The following NAV2 variants were observed in gnomAD, a reference collection of about 807,000 sequenced individuals.
NAV2 encodes the protein helicase, APC down-regulated 1.
Under a neutral mutation model 223.2 loss-of-function variants are expected in NAV2, and 54 were observed. The ratio of observed to expected loss-of-function variants is 0.24; its 90% CI spans 0.19 to 0.30. The LOEUF (loss-of-function observed/expected upper bound fraction) is 0.30, where lower values mean the gene tolerates loss of function less well. Among genes scored for constraint, NAV2 ranks in the 10% least tolerant of loss-of-function variants. NAV2 has a pLI of 1.00. For synonymous variants in NAV2, 1,279 were observed against 1,239.3 expected, an observed-to-expected ratio of 1.03 and a Z score of -0.67; for missense variants, 2,806 against 3,147.5, an observed-to-expected ratio of 0.89 and a Z score of 2.60.
At chr11:19,814,600 G>A (rs773282277) in intron 1 of NAV2, among the ~76,000 whole-genome samples, 12 of 152,106 alleles carry the variant, frequency 7.9e-5, no homozygotes, top group Admixed American at 2.6e-4. Context: ...GCTGTGTGGC[G>A]CTCTGGTTTT....
chr11:19,781,955 G>A (rs372471918), intron 1 of NAV2, among the ~76,000 whole-genome samples: 80 of 151,760 alleles, frequency 5.3e-4, no homozygotes, highest in East Asian at 1.4e-3. Flanking sequence ...AACAACTTCC[G>A]TTTTTTTTCC....
At chr11:20,089,247 C>G (rs1375951143) in intron 26 of NAV2, among the ~76,000 whole-genome samples, 1 of 152,124 alleles carries the variant, frequency 6.6e-6, no homozygotes, top group Admixed American at 6.5e-5. Context: ...TCCTTGGTGA[C>G]TGGTAACTTT....
At chr11:19,637,087 T>C (rs993733270) in intron 1 of NAV2, among the ~76,000 whole-genome samples, 1 of 152,216 alleles carries the variant, frequency 6.6e-6, no homozygotes, top group African/African-American at 2.4e-5. Context: ...TTTTCCATGG[T>C]CTTGGGAAGC....
chr11:19,626,968 A>G (rs1475832078), intron 1 of NAV2, among the ~76,000 whole-genome samples: 3 of 152,200 alleles, frequency 2.0e-5, no homozygotes, highest in Non-Finnish European at 4.4e-5. Context: ...AGAAAGTGCA[A>G]TATGTACCCA....
chr11:19,430,230 T>C (rs1290547357), intron 1 of NAV2, among the ~76,000 whole-genome samples: 1 of 152,224 alleles, frequency 6.6e-6, no homozygotes, highest in Non-Finnish European at 1.5e-5. Context: ...TGATGCTCTT[T>C]GCACTTTTCG....
chr11:19,829,804 C>T (rs747398704), intron 1 of NAV2, among the ~76,000 whole-genome samples: 10 of 152,206 alleles, frequency 6.6e-5, no homozygotes, highest in Non-Finnish European at 1.5e-4. Flanking sequence ...GTCTTCACAT[C>T]GACCTTCTGA....
At chr11:19,954,031 C>T (rs1469692202) in intron 10 of NAV2, among the ~76,000 whole-genome samples, 8 of 152,144 alleles carry the variant, frequency 5.3e-5, no homozygotes, top group African/African-American at 1.7e-4. Context: ...TTATATAACT[C>T]GCTACCACAC....
intron 27 of NAV2, among the ~76,000 whole-genome samples, chr11:20,091,389 C>G (rs1045731248): frequency 2.0e-5 from 3 of 152,162 alleles, no homozygotes; most frequent in Admixed American, 6.5e-5. Flanking sequence ...CTGACTGCCC[C>G]CTTTGCATCC....
intron 1 of NAV2, among the ~76,000 whole-genome samples, chr11:19,743,467 T>C (rs1346028): frequency 0.41 from 61,686 of 152,080 alleles, 12,724 homozygotes; most frequent in South Asian, 0.5. Context: ...TCCTGGTGCT[T>C]TCTCCCTCCT....
At chr11:19,621,211 T>C (rs2046984182) in intron 1 of NAV2, among the ~76,000 whole-genome samples, 2 of 152,158 alleles carry the variant, frequency 1.3e-5, no homozygotes, top group Admixed American at 1.3e-4. Context: ...GGGATATTGG[T>C]CTAAAATTCT....
intron 1 of NAV2, among the ~76,000 whole-genome samples, chr11:19,421,607 A>C (rs1034097391): frequency 3.3e-5 from 5 of 152,346 alleles, no homozygotes; most frequent in Non-Finnish European, 5.9e-5. Context: ...CTAAAGACAA[A>C]CATTAAGTAT....
At chr11:20,098,264 T>G (rs1430016942) in intron 31 of NAV2, among the ~76,000 whole-genome samples, 1 of 152,034 alleles carries the variant, frequency 6.6e-6, no homozygotes, top group African/African-American at 2.4e-5. Context: ...CAAAGTTCAC[T>G]GAGGAAAAAA....
At chr11:19,522,275 G>A (rs1284457903) in intron 1 of NAV2, among the ~76,000 whole-genome samples, 3 of 152,062 alleles carry the variant, frequency 2.0e-5, no homozygotes, top group Non-Finnish European at 4.4e-5. Context: ...CAAGGCATTC[G>A]CCTCCCTCCA....
At chr11:19,508,089 G>A (rs2043175830) in intron 1 of NAV2, among the ~76,000 whole-genome samples, 1 of 152,194 alleles carries the variant, frequency 6.6e-6, no homozygotes, top group South Asian at 2.1e-4. Context: ...TATAGCAAGG[G>A]CAGTGGTGGG....
At chr11:19,382,403 C>CGA (rs1288238846) in intron 1 of NAV2, among the ~76,000 whole-genome samples, 3 of 152,136 alleles carry the variant, frequency 2.0e-5, no homozygotes, top group Admixed American at 2.0e-4. Context: ...ACAATTGTGC[C>CGA]GACTGGCAAA....
chr11:19,816,746 T>C (rs7940576), intron 1 of NAV2, among the ~76,000 whole-genome samples: 36,049 of 152,206 alleles, frequency 0.24, 5,322 homozygotes, highest in East Asian at 0.68. Context: ...TTGATCATTC[T>C]GAGGTCAGTG....
chr11:20,058,925 C>T (rs1310920730), intron 19 of NAV2, among the ~76,000 whole-genome samples: 1 of 152,134 alleles, frequency 6.6e-6, no homozygotes, highest in African/African-American at 2.4e-5. Context: ...GCCTTCTCCC[C>T]AAGGGCCATT....
chr11:19,426,819 T>G (rs541223836), intron 1 of NAV2, among the ~76,000 whole-genome samples: 1 of 152,280 alleles, frequency 6.6e-6, no homozygotes, highest in African/African-American at 2.4e-5. Flanking sequence ...CCTACCACAC[T>G]ACCCAGGAAC....
intron 1 of NAV2, among the ~76,000 whole-genome samples, chr11:19,540,719 A>G (rs1001392166): frequency 3.9e-5 from 6 of 152,154 alleles, no homozygotes; most frequent in Non-Finnish European, 7.4e-5. Flanking sequence ...GAGATTCCCA[A>G]TGCACTTTAG....
Sources: gnomAD v4.1 joint callset for allele counts (sites outside exome capture counted in the v4.1 genomes callset) on GRCh38, gnomAD v4.1.1 for gene constraint, MANE v1.5 for transcripts, NCBI Gene and HGNC (gene_info 2026-07-23, HGNC 2026-07-21) for gene names.